Variants in UHMK1 observed in about 807,000 individuals in gnomAD.
UHMK1 encodes U2AF homology motif kinase 1, also known as serine/threonine-protein kinase Kist.
In UHMK1, 18 loss-of-function variants were observed where a neutral mutation model predicts 44.0. The observed-to-expected ratio is 0.41, with a 90% CI of 0.28 to 0.61. UHMK1 has a LOEUF of 0.61. UHMK1 is among the 20% of genes least tolerant of loss of function. UHMK1 has a pLI of 0.31. For synonymous variants in UHMK1, 231 were observed against 198.5 expected (o/e 1.16, Z -1.38); for missense variants, 463 against 522.5 (o/e 0.89, Z 1.11).
intron 4 of UHMK1, among the ~76,000 whole-genome samples, chr1:162,509,011 C>T (rs1327765918): frequency 2.0e-5 from 3 of 152,064 alleles, no homozygotes. Context: ...TTTTGAACTC[C>T]TGGGCTCAAG....
At chr1:162,506,597 C>T (rs1197680921) in intron 4 of UHMK1, among the ~76,000 whole-genome samples, 1 of 152,156 alleles carries the variant, frequency 6.6e-6, no homozygotes, top group African/African-American at 2.4e-5. Context: ...CTATATATTA[C>T]TGCATGTGTT....
Position 162,526,232 on chromosome 1 carries a change from A to G in UHMK1, c.*3682A>G, listed in dbSNP as rs1652243265. On this transcript the variant is annotated 3_prime_UTR_variant, in exon 8 of 8. Coordinates refer to ENST00000489294, the MANE Select transcript of UHMK1 (RefSeq NM_175866.5). ...GTCTTATTTTCTGACTGTTAGGCCT[A>G]TCTTACACATAAGTTCTACTATCAG... 1 of 149,664 alleles carries G rather than the reference A, an allele frequency of 6.7e-6. No homozygotes were observed. Among genetic ancestry groups the G allele is most frequent in the South Asian group, 2.1e-4 (1 of 4,788 alleles). 9.3% of individuals were successfully genotyped at this position (149,664 alleles called of 1,614,324 possible).
At chr1:162,500,412 T>C in intron 2 of UHMK1, 165 bp downstream of exon 2, 1 of 801,002 alleles carries the variant, frequency 1.2e-6, no homozygotes, top group Non-Finnish European at 1.9e-6. Context: ...AGTGCCACCG[T>C]GTAAAAAAAG....
At chr1:162,508,023 G>C (rs1478534903) in intron 4 of UHMK1, among the ~76,000 whole-genome samples, 5 of 151,856 alleles carry the variant, frequency 3.3e-5, no homozygotes, top group African/African-American at 1.2e-4. Context: ...TCTTTCCTGA[G>C]TTCTATTACC....
At position 162,527,719 on chromosome 1, in the gene UHMK1, A is replaced by C. The variant is rs1365072220; in HGVS notation, c.*5169A>C. 3 of 152,084 alleles carry C rather than the reference A, an allele frequency of 2.0e-5. No homozygotes were observed. Among genetic ancestry groups the C allele is most frequent in the African/African-American group, 7.2e-5 (3 of 41,450 alleles). The allele number at this position is 152,084 out of a possible 1,614,324, so 9.4% of individuals were successfully genotyped here. A position where few individuals can be genotyped will look rare whatever the true frequency, so the allele number is the denominator to read the frequency against. On this transcript the variant is annotated 3_prime_UTR_variant, in exon 8 of 8. Coordinates refer to ENST00000489294, the MANE Select transcript of UHMK1 (RefSeq NM_175866.5). ...ATTGGGTAGCTGTCACAATAACCAG[A>C]AGAAATCTTGTGGCCCTTTTGAAGA...
At position 162,500,164 on chromosome 1, in the gene UHMK1, A is replaced by C; in HGVS notation, c.478A>C (p.Lys160Gln). 1 of 1,614,248 alleles carries C rather than the reference A, an allele frequency of 6.2e-7. No individual in the cohort carries two copies. The part of the protein sequence containing the change: ...HHEGYVHADL[K>Q]PRNILWSAEN... ...TGAGGGCTATGTCCATGCGGACCTC[A>C]AACCACGTAACATATTGTGGAGTGC... is the stretch of plus-strand genomic sequence containing the variant. The change falls in exon 2 of 8, where the codon AAA (lysine) becomes CAA (glutamine). Residue 160 changes from lysine (K) to glutamine (Q), a missense_variant. Physicochemically the swap from Lys to Gln is moderately conservative, Grantham distance 53 (BLOSUM62 1). Transcript: ENST00000489294.
intron 4 of UHMK1, among the ~76,000 whole-genome samples, chr1:162,506,109 T>C (rs1398682589): frequency 6.6e-6 from 1 of 152,178 alleles, no homozygotes; most frequent in Non-Finnish European, 1.5e-5. Context: ...ATAAATTGCA[T>C]TTTACATTGA....
chr1:162,513,783 G>A (rs1651746451), intron 6 of UHMK1, among the ~76,000 whole-genome samples: 1 of 152,174 alleles, frequency 6.6e-6, no homozygotes. Flanking sequence ...GAGTACAGAC[G>A]AGTTTGCTAT....
chr1:162,511,801 C>T (rs941790894), intron 4 of UHMK1, among the ~76,000 whole-genome samples: 8 of 152,048 alleles, frequency 5.3e-5, no homozygotes, highest in Admixed American at 1.3e-4. Flanking sequence ...TATTCTTTGG[C>T]GTGTTAATAT....
intron 4 of UHMK1, among the ~76,000 whole-genome samples, chr1:162,511,170 T>G (rs2101678176): frequency 7.1e-6 from 1 of 141,554 alleles, no homozygotes; most frequent in African/African-American, 2.6e-5. Flanking sequence ...TTTGAGCTCT[T>G]TTTTTCTTTT....
In UHMK1 at chr1:162,524,148, C is replaced by T. The variant is rs565994474; in HGVS notation, c.*1598C>T. ...GTCTTCTATCTTTCCCTGCTGGAAG[C>T]CTCCTCATATTTCCTTATGTTTGCC... is the stretch of plus-strand genomic sequence containing the variant. On this transcript the variant is annotated 3_prime_UTR_variant, in exon 8 of 8. Transcript: ENST00000489294. 17 of 152,054 alleles carry T rather than the reference C, an allele frequency of 1.1e-4. No individual in the cohort carries two copies. The highest frequency in any genetic ancestry group is 3.9e-4 in the African/African-American group (16 of 41,490). The allele number at this position is 152,054 out of a possible 1,614,324, so 9.4% of individuals were successfully genotyped here. A position where few individuals can be genotyped will look rare whatever the true frequency, so the allele number is the denominator to read the frequency against.
rs757361185 is a variant in UHMK1 at position 162,498,161 on chromosome 1, A to G, written c.161A>G (p.Lys54Arg). 8 of 1,613,266 alleles carry G rather than the reference A, an allele frequency of 5.0e-6. No homozygotes were observed. The highest frequency in any genetic ancestry group is 5.9e-6 in the Non-Finnish European group (7 of 1,179,768). Residue 54 changes from lysine (K) to arginine (R), a missense_variant, in exon 1 of 8, where the codon AAG (lysine) becomes AGG (arginine). Lys to Arg is a conservative substitution (Grantham distance 26). This residue lies in a region of UHMK1 where 191 missense variants were observed against 176.0 expected (regional missense o/e 1.09). Coordinates refer to ENST00000489294, the MANE Select transcript of UHMK1 (RefSeq NM_175866.5). ...CCTGGCTCGCCCCCCGGCGCCCTCA[A>G]GCAGTTCTTGCCGCCAGGAACCACC... ...GNPGSPPGAL[K>R]QFLPPGTTGA... is the part of the protein sequence containing the mutation.
At chr1:162,512,325 G>A (rs1029982132) in intron 4 of UHMK1, among the ~76,000 whole-genome samples, 175 bp from the exon 5 acceptor site, 3 of 151,940 alleles carry the variant, frequency 2.0e-5, no homozygotes, top group Admixed American at 6.6e-5. Flanking sequence ...TATGTATCAT[G>A]AATTACTAAA....
Position 162,522,252 on chromosome 1 carries a change from A to G in UHMK1, c.1114-152A>G, listed in dbSNP as rs1652084816. On this transcript the variant is annotated intron_variant, in intron 7 of 7. Transcript: ENST00000489294. ...TGGCATCACCTGGAAGTTTGTTTAG[A>G]ACAGAAACTCAGGCGACATCTCAGA... is the stretch of plus-strand genomic sequence containing the variant. The G allele has an allele frequency of 5.1e-6, 4 of 789,136 alleles. No individual in the cohort carries two copies. The South Asian group carries it at 5.6e-5, about 11-fold the overall frequency. The allele number at this position is 789,136 out of a possible 1,614,324, so 48.9% of individuals were successfully genotyped here. A position where few individuals can be genotyped will look rare whatever the true frequency, so the allele number is the denominator to read the frequency against.
rs1557939311 is a variant in UHMK1 at position 162,500,913 on chromosome 1, G to A, written c.562G>A (p.Asp188Asn). The A allele has an allele frequency of 6.2e-7, 1 of 1,610,332 alleles. No individual in the cohort carries two copies. The highest frequency in any genetic ancestry group is 8.5e-7 in the Non-Finnish European group (1 of 1,178,378). The stretch of plus-strand genomic sequence containing the variant: ...TGTAATATTTACTCATCTTTTTTAG[G>A]ATGTAAAGTATATTCAGACAGACGG... ...FGLSFKEGNQ[D>N]VKYIQTDGYR... is the part of the protein sequence containing the mutation. The change falls in exon 3 of 8, where the codon GAT becomes AAT. Residue 188 changes from aspartate (D) to asparagine (N), a missense_variant and splice_region_variant. Around this residue, in one of 3 missense-constraint regions of UHMK1, gnomAD observed 264 missense variants for 326.3 expected, o/e 0.81. Coordinates refer to ENST00000489294, the MANE Select transcript of UHMK1 (RefSeq NM_175866.5).
At chr1:162,500,765 A>C in intron 2 of UHMK1, 148 bp from the exon 3 acceptor site, 1 of 701,772 alleles carries the variant, frequency 1.4e-6, no homozygotes, top group Non-Finnish European at 2.3e-6. Flanking sequence ...TAATGAACCA[A>C]AGAATTATGG....
intron 3 of UHMK1, among the ~76,000 whole-genome samples, chr1:162,503,218 A>G (rs186095665): frequency 1.9e-3 from 287 of 151,652 alleles, no homozygotes; most frequent in African/African-American, 6.4e-3. Context: ...TTATTCTTTC[A>G]TCTAGTAGAT....
chr1:162,500,377 G>A (rs2342713), intron 2 of UHMK1, 130 bp downstream of exon 2: 7 of 318,980 alleles, frequency 2.2e-5, no homozygotes, highest in Non-Finnish European at 2.7e-5. Flanking sequence ...AAATGCCAGG[G>A]GATGCAGTAA....
intron 6 of UHMK1, among the ~76,000 whole-genome samples, chr1:162,514,387 C>T (rs188874549): frequency 4.6e-5 from 7 of 152,068 alleles, no homozygotes; most frequent in Admixed American, 2.0e-4. Flanking sequence ...ATAGTTTCCT[C>T]ATCTATAAAA....
Sources: allele counts gnomAD v4.1 joint callset (sites outside exome capture counted in the v4.1 genomes callset), GRCh38; gene constraint gnomAD v4.1.1; regional missense constraint gnomAD v4.1.1; transcripts MANE v1.5; gene names NCBI Gene and HGNC (gene_info 2026-07-23, HGNC 2026-07-21).